Variants in TMCC2 observed in about 807,000 individuals in gnomAD.
TMCC2 encodes the protein transmembrane and coiled-coil domains protein 2.
A neutral mutation model predicts 49.4 loss-of-function variants in TMCC2; 16 were observed. That is an observed-to-expected ratio of 0.32 (90% CI 0.22 to 0.49). The LOEUF (loss-of-function observed/expected upper bound fraction) is 0.49. Among genes scored for constraint, TMCC2 ranks in the 20% least tolerant of loss-of-function variants. The pLI is 0.99. For synonymous variants in TMCC2, 397 were observed against 434.1 expected (o/e 0.91, Z 1.06); for missense variants, 762 against 989.8 (o/e 0.77, Z 3.09).
intron 2 of TMCC2, chr1:205,267,934 G>A (rs758858114): frequency 1.2e-5 from 12 of 985,278 alleles, no homozygotes; most frequent in African/African-American, 1.7e-5. Flanking sequence ...TTTAGTCCTC[G>A]GGGACCTGGC....
intron 2 of TMCC2, among the ~76,000 whole-genome samples, chr1:205,260,067 G>A (rs1661042996): frequency 6.6e-6 from 1 of 152,172 alleles, no homozygotes; most frequent in Non-Finnish European, 1.5e-5. Flanking sequence ...GGTGTGGAGG[G>A]GGATCATGGA....
chr1:205,229,012 A>C (rs1574820034), intron 1 of TMCC2: 1 of 1,340,430 alleles, frequency 7.5e-7, no homozygotes, highest in Non-Finnish European at 9.6e-7. Flanking sequence ...TTAGTGACTC[A>C]CCCATCCGAG....
chr1:205,228,479 G>T lies in TMCC2; in HGVS notation c.-86G>T. On this transcript the variant is annotated 5_prime_UTR_variant, in exon 1 of 5. Coordinates refer to ENST00000358024, the MANE Select transcript of TMCC2 (RefSeq NM_014858.4). The stretch of plus-strand genomic sequence containing the variant: ...TCCTTGTTAATAATTTAGACCCCAG[G>T]CCTCATATGAATATAAGAGGGGGTG... 8.8e-7 allele frequency: 1 copy of T among 1,131,772 alleles called. No homozygotes were observed. The highest frequency in any genetic ancestry group is 1.3e-6 in the Non-Finnish European group (1 of 792,056). 70.1% of individuals were successfully genotyped at this position (1,131,772 alleles called of 1,614,324 possible).
intron 1 of TMCC2, among the ~76,000 whole-genome samples, chr1:205,240,998 A>G (rs1454769748): frequency 2.0e-5 from 3 of 152,206 alleles, no homozygotes; most frequent in Non-Finnish European, 2.9e-5. Flanking sequence ...GTCTGCTACA[A>G]CAGTATAACT....
chr1:205,266,211 A>C (rs1372886144), intron 2 of TMCC2, among the ~76,000 whole-genome samples: 1 of 148,362 alleles, frequency 6.7e-6, no homozygotes, highest in Non-Finnish European at 1.5e-5. Flanking sequence ...ACTGCACTGC[A>C]GCCTGGGCGA....
chr1:205,250,828 C>T (rs1445809775), intron 2 of TMCC2, among the ~76,000 whole-genome samples: 1 of 152,086 alleles, frequency 6.6e-6, no homozygotes, highest in Non-Finnish European at 1.5e-5. Flanking sequence ...GGTGTCAGAC[C>T]CCTATGCCAG....
intron 2 of TMCC2, among the ~76,000 whole-genome samples, chr1:205,265,373 G>A (rs1028504071): frequency 6.6e-6 from 1 of 152,312 alleles, no homozygotes; most frequent in South Asian, 2.1e-4. Flanking sequence ...AAGGAGCCAC[G>A]GCAGGTGGAG....
rs573726366 is a variant in TMCC2, at chr1:205,252,479, T to C, written c.747+10435T>C. Among the ~76,000 whole-genome samples, 185 of 152,318 alleles carry C rather than the reference T, an allele frequency of 1.2e-3. 1 individual carries two copies. The highest frequency in any genetic ancestry group is 2.3e-3 in the Admixed American group (35 of 15,296). ...CCTTCCTCTCGCATTTCCCTGGGGG[T>C]TAGCAGAGCTCTTTGGTCACATGGG... is the stretch of plus-strand genomic sequence containing the variant. On this transcript the variant is annotated intron_variant, in intron 2 of 4. Transcript: ENST00000358024.
At chr1:205,230,503 AG>A (rs780054615) in intron 1 of TMCC2, among the ~76,000 whole-genome samples, 19 of 152,178 alleles carry the variant, frequency 1.2e-4, no homozygotes, top group Non-Finnish European at 2.1e-4. Context: ...GTGAGGGGGA[AG>A]GGGTCTCTTG....
intron 2 of TMCC2, among the ~76,000 whole-genome samples, chr1:205,266,259 A>C (rs1384691064): frequency 6.7e-6 from 1 of 149,418 alleles, no homozygotes; most frequent in African/African-American, 2.5e-5. Context: ...AAAAAAAAAA[A>C]AAGTTCTGTA....
intron 2 of TMCC2, among the ~76,000 whole-genome samples, chr1:205,260,728 G>A (rs1046919300): frequency 3.2e-5 from 4 of 123,880 alleles, no homozygotes; most frequent in African/African-American, 1.3e-4. Flanking sequence ...TCAGCTTTCT[G>A]TCTCTGTGGA....
In TMCC2 at chr1:205,269,364, G is replaced by A. The variant is rs372692714; in HGVS notation, c.1162G>A (p.Gly388Ser). 12 of 1,611,874 alleles carry A rather than the reference G, an allele frequency of 7.4e-6. No individual in the cohort carries two copies. The highest frequency in any genetic ancestry group is 1.7e-5 in the Admixed American group (1 of 59,942). ...RDMQQGLKDV[G>S]ANVRAGISGF... is the part of the protein sequence containing the mutation. Reference sequence around the variant, plus strand: ...CATGCAGCAGGGGCTGAAGGACGTGGGCGCCAACGTGCGCGCAGGCATCAG... The same window carrying A: ...CATGCAGCAGGGGCTGAAGGACGTGAGCGCCAACGTGCGCGCAGGCATCAG... The change falls in exon 3 of 5, where the codon GGC becomes AGC. Residue 388 changes from glycine (G) to serine (S), a missense_variant. By Grantham distance (56) the Gly-to-Ser change is moderately conservative. Around this residue, in one of 2 missense-constraint regions of TMCC2, gnomAD observed 440 missense variants for 636.7 expected, o/e 0.69. Coordinates refer to ENST00000358024, the MANE Select transcript of TMCC2 (RefSeq NM_014858.4).
intron 2 of TMCC2, chr1:205,256,102 G>A: frequency 2.2e-6 from 2 of 920,452 alleles, no homozygotes; most frequent in Non-Finnish European, 3.1e-6. Context: ...GATAGCACTG[G>A]GCCCTTATCT....
chr1:205,260,037 C>T (rs1374470642), intron 2 of TMCC2, among the ~76,000 whole-genome samples: 1 of 152,176 alleles, frequency 6.6e-6, no homozygotes, highest in African/African-American at 2.4e-5. Flanking sequence ...CTGGTAGGGT[C>T]CCTGAGCAGG....
At chr1:205,246,476 A>G (rs1660457046) in intron 2 of TMCC2, 2 of 1,430,488 alleles carry the variant, frequency 1.4e-6, no homozygotes, top group Non-Finnish European at 9.2e-7. Context: ...GCATATAGAT[A>G]GTATTTAAAA....
chr1:205,253,599 A>G (rs560582683), intron 2 of TMCC2, among the ~76,000 whole-genome samples: 1 of 152,362 alleles, frequency 6.6e-6, no homozygotes, highest in East Asian at 1.9e-4. Flanking sequence ...GGGATGTCCA[A>G]GACTGACCAA....
rs144729905 is a variant in TMCC2 at position 205,235,796 on chromosome 1, G to A, written c.208-5709G>A. Among the ~76,000 whole-genome samples, 153 of 152,276 alleles carry A rather than the reference G, an allele frequency of 1.0e-3. 2 individuals carry two copies. Among genetic ancestry groups the A allele is most frequent in the African/African-American group, 3.4e-3 (142 of 41,548 alleles). Reference sequence around the variant, plus strand: ...TAGAAAAACAGTTATTTGGCTGGGCGCGGTGGCTCACGCCTGTAATCCCAG... The same window carrying A: ...TAGAAAAACAGTTATTTGGCTGGGCACGGTGGCTCACGCCTGTAATCCCAG... On this transcript the variant is annotated intron_variant, in intron 1 of 4. Transcript: ENST00000358024.
chr1:205,229,025 T>A, intron 1 of TMCC2: 1 of 1,341,056 alleles, frequency 7.5e-7, no homozygotes, highest in South Asian at 1.9e-5. Flanking sequence ...CATCCGAGAT[T>A]GTTTGAATAA....
In TMCC2 at chr1:205,228,493, TAA is replaced by T. The variant is rs1281750452; in HGVS notation, c.-71_-70del. 2.2e-6 allele frequency: 3 copies of T among 1,349,828 alleles called. No individual in the cohort carries two copies. Among genetic ancestry groups the T allele is most frequent in the Non-Finnish European group, 3.1e-6 (3 of 974,760 alleles). 83.6% of individuals were successfully genotyped at this position (1,349,828 alleles called of 1,614,324 possible). On this transcript the variant is annotated 5_prime_UTR_variant, in exon 1 of 5. In the 5' UTR this introduces an upstream ATG that the reference lacks. Coordinates refer to ENST00000358024, the MANE Select transcript of TMCC2 (RefSeq NM_014858.4). ...TTAGACCCCAGGCCTCATATGAATATAAGAGGGGGTGCGGTCTTCCCCAAGAC... is the reference window on the plus strand; with the variant it reads ...TTAGACCCCAGGCCTCATATGAATATGAGGGGGTGCGGTCTTCCCCAAGAC...
Sources: allele counts gnomAD v4.1 joint callset (sites outside exome capture counted in the v4.1 genomes callset), GRCh38; gene constraint gnomAD v4.1.1; regional missense constraint gnomAD v4.1.1; transcripts MANE v1.5; gene names NCBI Gene and HGNC (gene_info 2026-07-23, HGNC 2026-07-21).